Variants in DAPK1 observed in about 807,000 individuals in gnomAD.
The protein encoded by DAPK1 is death-associated protein kinase 1.
Under a neutral mutation model 144.9 loss-of-function variants are expected in DAPK1, and 56 were observed. The observed-to-expected ratio is 0.39, with a 90% CI of 0.31 to 0.48. The LOEUF is 0.48. Ranked by LOEUF, DAPK1 falls within the 20% of genes least tolerant of loss-of-function variation. The probability of loss-of-function intolerance (pLI) is 0.95; values close to 1 mark genes in which losing one functional copy is unlikely to be tolerated. For missense variants in DAPK1, 1,454 were observed against 1,875.4 expected, an observed-to-expected ratio of 0.78 and a Z score of 4.15; for synonymous variants, 690 against 749.0, an observed-to-expected ratio of 0.92 and a Z score of 1.29.
intron 21 of DAPK1, among the ~76,000 whole-genome samples, chr9:87,696,244 C>G (rs1466868555): frequency 2.0e-5 from 3 of 151,976 alleles, no homozygotes; most frequent in African/African-American, 7.3e-5. Flanking sequence ...GTGTGTGTAG[C>G]ACTCCAGGGT....
chr9:87,571,436 AACACACAC>A (rs374135959), intron 2 of DAPK1, among the ~76,000 whole-genome samples: 1 of 13,020 alleles, frequency 7.7e-5, no homozygotes, highest in African/African-American at 3.2e-4. Flanking sequence ...CCCACCCCCC[AACACACAC>A]ACACACACAC....
chr9:87,648,864 C>T lies in DAPK1; in HGVS notation c.1413C>T (p.Pro471=), dbSNP rs749255639. 1.1e-5 allele frequency: 18 copies of T among 1,614,048 alleles called. No individual in the cohort carries two copies. In the South Asian group the frequency reaches 2.0e-4, roughly 18 times the overall value. ...AQLLCSFGSN[P]NIQDKEEETP... ...TACTGTGCAGCTTCGGCTCAAATCC[C>T]AATATCCAGGACAAGGTGGGTCGTG... Residue 471 remains proline (P), a synonymous_variant, in exon 15 of 26, where the codon CCC becomes CCT. Transcript: ENST00000408954.
chr9:87,626,116 G>A (rs1311885064), intron 3 of DAPK1, among the ~76,000 whole-genome samples: 1 of 152,202 alleles, frequency 6.6e-6, no homozygotes, highest in Non-Finnish European at 1.5e-5. Flanking sequence ...ATTGGTAAAA[G>A]TAATAATACC....
intron 19 of DAPK1, among the ~76,000 whole-genome samples, chr9:87,673,279 C>G (rs897869596): frequency 1.3e-5 from 2 of 152,200 alleles, no homozygotes; most frequent in Non-Finnish European, 2.9e-5. Flanking sequence ...AGGTCTGTAT[C>G]TGGGACAGCT....
At chr9:87,645,832 T>C in intron 11 of DAPK1, 63 bp from the exon 12 acceptor site, 4 of 1,590,204 alleles carry the variant, frequency 2.5e-6, no homozygotes, top group Non-Finnish European at 3.4e-6. Context: ...GTTTCTTTTA[T>C]GTTGGTAAGA....
intron 2 of DAPK1, among the ~76,000 whole-genome samples, chr9:87,555,703 A>G (rs190935366): frequency 1.4e-4 from 22 of 152,250 alleles, no homozygotes; most frequent in African/African-American, 4.1e-4. Flanking sequence ...GGGTTTCTCC[A>G]TGTTGGTCAG....
intron 19 of DAPK1, among the ~76,000 whole-genome samples, chr9:87,676,408 A>AC (rs1352387003): frequency 6.6e-6 from 1 of 152,112 alleles, no homozygotes; most frequent in Non-Finnish European, 1.5e-5. Context: ...ACCCGTCCCT[A>AC]CCCGCCATCT....
chr9:87,703,245 G>C, intron 25 of DAPK1, 28 bp downstream of exon 25: 1 of 1,402,520 alleles, frequency 7.1e-7, no homozygotes, highest in Non-Finnish European at 1.0e-6. Context: ...CAGGCAGGGG[G>C]CCGTGAGAGG....
At chr9:87,614,766 G>T (rs1829039622) in intron 3 of DAPK1, among the ~76,000 whole-genome samples, 1 of 152,188 alleles carries the variant, frequency 6.6e-6, no homozygotes, top group Admixed American at 6.5e-5. Context: ...CGGCACTGTG[G>T]CTGCCGCCAT....
At chr9:87,673,601 A>G (rs1824256128) in intron 19 of DAPK1, among the ~76,000 whole-genome samples, 1 of 152,110 alleles carries the variant, frequency 6.6e-6, no homozygotes, top group Admixed American at 6.6e-5. Flanking sequence ...GGGAAGAAGG[A>G]ACCTGGGGCA....
intron 2 of DAPK1, among the ~76,000 whole-genome samples, chr9:87,551,387 C>A (rs1321752827): frequency 6.6e-6 from 1 of 152,134 alleles, no homozygotes; most frequent in East Asian, 1.9e-4. Flanking sequence ...ACCTTATGAT[C>A]CACCCACCTT....
chr9:87,631,084 A>G (rs987255897), intron 3 of DAPK1, among the ~76,000 whole-genome samples: 5 of 152,132 alleles, frequency 3.3e-5, no homozygotes. Context: ...TTTGTGACCT[A>G]GGAGCCAGGC....
chr9:87,498,378 C>T (rs1824262151), intron 1 of DAPK1, among the ~76,000 whole-genome samples: 2 of 152,138 alleles, frequency 1.3e-5, no homozygotes, highest in South Asian at 4.1e-4. Flanking sequence ...CCTCGGTGGG[C>T]CGCTCCCTTC....
At chr9:87,534,984 G>T (rs1402164762) in intron 2 of DAPK1, among the ~76,000 whole-genome samples, 1 of 152,126 alleles carries the variant, frequency 6.6e-6, no homozygotes, top group African/African-American at 2.4e-5. Flanking sequence ...GTGTGCAAAT[G>T]TGTTTATCAA....
intron 21 of DAPK1, among the ~76,000 whole-genome samples, chr9:87,687,322 A>G (rs1379484064): frequency 6.6e-6 from 1 of 152,158 alleles, no homozygotes; most frequent in Non-Finnish European, 1.5e-5. Flanking sequence ...GGTATCTATC[A>G]TTCTACTCCC....
At chr9:87,586,081 A>G (rs1241977628) in intron 2 of DAPK1, among the ~76,000 whole-genome samples, 1 of 152,172 alleles carries the variant, frequency 6.6e-6, no homozygotes, top group Non-Finnish European at 1.5e-5. Context: ...TGAACCCAGA[A>G]GTGTGAGACC....
chr9:87,642,811 G>A (rs1268650407), intron 10 of DAPK1, among the ~76,000 whole-genome samples: 1 of 151,886 alleles, frequency 6.6e-6, no homozygotes, highest in Non-Finnish European at 1.5e-5. Flanking sequence ...AATAGAGAGA[G>A]AGCAACCATT....
At chr9:87,626,977 G>A (rs968913838) in intron 3 of DAPK1, among the ~76,000 whole-genome samples, 15 of 152,138 alleles carry the variant, frequency 9.9e-5, no homozygotes, top group Non-Finnish European at 8.8e-5. Context: ...CTGGGGAGGA[G>A]GGGAGATGTT....
Position 87,632,020 on chromosome 9 carries a change from A to G in DAPK1, c.285-5923A>G, listed in dbSNP as rs1381164622. 1.4e-5 allele frequency: 11 copies of G among 775,832 alleles called. No homozygotes were observed. In the Admixed American group the frequency reaches 1.9e-4, roughly 13 times the overall value. The allele number at this position is 775,832 out of a possible 1,614,324, so 48.1% of individuals were successfully genotyped here. Reference sequence around the variant, plus strand: ...AGTATATATGTAGAGATGAAGGAGGATGAGTATATATGTAGGGATGAAGGA... The same window carrying G: ...AGTATATATGTAGAGATGAAGGAGGGTGAGTATATATGTAGGGATGAAGGA... On this transcript the variant is annotated intron_variant, in intron 3 of 25. Transcript: ENST00000408954.
Sources: gnomAD v4.1 joint callset for allele counts (sites outside exome capture counted in the v4.1 genomes callset) on GRCh38, gnomAD v4.1.1 for gene constraint, MANE v1.5 for transcripts, NCBI Gene and HGNC (gene_info 2026-07-23, HGNC 2026-07-21) for gene names.